SLC24A1: variants seen among roughly 807,000 people sequenced by gnomAD.
SLC24A1 encodes solute carrier family 24 member 1.
Under a neutral mutation model 88.1 loss-of-function variants are expected in SLC24A1, and 52 were observed. The observed-to-expected ratio is 0.59, with a 90% CI of 0.47 to 0.74. The LOEUF (loss-of-function observed/expected upper bound fraction) is 0.74. Among genes scored for constraint, SLC24A1 ranks in the 30% least tolerant of loss-of-function variants. SLC24A1 has a pLI of 0.00. For missense variants in SLC24A1, 1,173 were observed against 1,363.3 expected (o/e 0.86, Z 2.20); for synonymous variants, 455 against 498.0 (o/e 0.91, Z 1.15).
downstream of SLC24A1, chr15:65,660,297 G>A (rs779969931): frequency 1.8e-5 from 28 of 1,535,176 alleles, no homozygotes; most frequent in South Asian, 3.3e-4. Flanking sequence ...GCTGTGAAAT[G>A]TTTCAGCATG....
At chr15:65,620,444 A>G (rs990277211), upstream of SLC24A1, among the ~76,000 whole-genome samples, 2 of 152,206 alleles carry the variant, frequency 1.3e-5, no homozygotes, top group African/African-American at 4.8e-5. Context: ...TAATGTCATT[A>G]TCATCCTCAT....
At position 65,624,881 on chromosome 15, in the gene SLC24A1, C is replaced by T. The variant is rs765829105; in HGVS notation, c.801C>T (p.Asn267=). Residue 267 remains asparagine (N), a synonymous_variant, in exon 2 of 10, where the codon AAC becomes AAT. Coordinates refer to ENST00000261892, the MANE Select transcript of SLC24A1 (RefSeq NM_004727.3). ...TTCTGACACATGAGGTAGAAGCAAA[C>T]GTCTTGACTTCTCCAAGGAGCGTCA... ...PTFLTHEVEA[N]VLTSPRSVME... is the part of the protein sequence containing the mutation. 3.1e-6 allele frequency: 5 copies of T among 1,613,972 alleles called. No individual in the cohort carries two copies. Among genetic ancestry groups the T allele is most frequent in the Non-Finnish European group, 4.2e-6 (5 of 1,179,884 alleles).
intron 2 of SLC24A1, among the ~76,000 whole-genome samples, chr15:65,613,398 C>T (rs778258151): frequency 1.3e-5 from 2 of 152,008 alleles, no homozygotes; most frequent in Non-Finnish European, 2.9e-5. Flanking sequence ...ATGCAGATTC[C>T]CAGACCTTGC....
chr15:65,638,638 TC>T (rs2075018791), intron 3 of SLC24A1, among the ~76,000 whole-genome samples: 1 of 152,148 alleles, frequency 6.6e-6, no homozygotes, highest in South Asian at 2.1e-4. Context: ...AAAAACTGTG[TC>T]TTAGCTGTTT....
chr15:65,625,842 C>T lies in SLC24A1; in HGVS notation c.1762C>T (p.Leu588=). Residue 588 remains leucine (L), a synonymous_variant, in exon 2 of 10, where the codon CTG becomes TTG. Coordinates refer to ENST00000261892, the MANE Select transcript of SLC24A1 (RefSeq NM_004727.3). ...CCTCATTGCCTGGTGGGAGAGCCTG[C>T]TGCTGCTGCTGGCCTATGCCTTCTA... ...DSLIAWWESL[L]LLLAYAFYVF... 6.2e-7 allele frequency: 1 copy of T among 1,613,788 alleles called. No individual in the cohort carries two copies. The highest frequency in any genetic ancestry group is 8.5e-7 in the Non-Finnish European group (1 of 1,179,794).
Position 65,625,732 on chromosome 15 carries a change from T to C in SLC24A1, c.1652T>C (p.Leu551Pro). The C allele has an allele frequency of 6.2e-7, 1 of 1,614,066 alleles. No individual in the cohort carries two copies. The highest frequency in any genetic ancestry group is 8.5e-7 in the Non-Finnish European group (1 of 1,179,892). Residue 551 changes from leucine to proline, a missense_variant, in exon 2 of 10, where the codon CTC becomes CCC. Leu to Pro is a moderately conservative substitution (Grantham distance 98). Coordinates refer to ENST00000261892, the MANE Select transcript of SLC24A1 (RefSeq NM_004727.3). ...TGTTCCCTCTTCTCCCGAGAGATCCTCAACCTCACCTGGTGGCCCTTATTC... is the reference window on the plus strand; with the variant it reads ...TGTTCCCTCTTCTCCCGAGAGATCCCCAACCTCACCTGGTGGCCCTTATTC... The part of the protein sequence containing the change: ...GTCSLFSREI[L>P]NLTWWPLFRD...
intron 2 of SLC24A1, among the ~76,000 whole-genome samples, chr15:65,634,604 T>C (rs1331854232): frequency 6.6e-6 from 1 of 152,152 alleles, no homozygotes; most frequent in Non-Finnish European, 1.5e-5. Context: ...CACCCAAATG[T>C]TGACAAACAT....
At chr15:65,643,558 C>T (rs537079827) in intron 4 of SLC24A1, among the ~76,000 whole-genome samples, 1 of 152,356 alleles carries the variant, frequency 6.6e-6, no homozygotes, top group Admixed American at 6.5e-5. Flanking sequence ...CCAGGCCACA[C>T]AGCTGTGGAC....
chr15:65,646,013 C>T (rs537681456), intron 6 of SLC24A1, among the ~76,000 whole-genome samples: 2 of 152,252 alleles, frequency 1.3e-5, no homozygotes. Flanking sequence ...GACCAGGTAG[C>T]TCCTGAGCAC....
At position 65,644,457 on chromosome 15, in the gene SLC24A1, G is replaced by C; in HGVS notation, c.2084G>C (p.Ser695Thr). 2 of 1,596,970 alleles carry C rather than the reference G, an allele frequency of 1.3e-6. No homozygotes were observed. Among genetic ancestry groups the C allele is most frequent in the Non-Finnish European group, 1.7e-6 (2 of 1,171,996 alleles). ...CTTGCCAAGGAGAAGGAGGAGGAGA[G>C]CTTGAATCAAGGGGCCAGAGCCCAA... The part of the protein sequence containing the change: ...VRLAKEKEEE[S>T]LNQGARAQPQ... Residue 695 changes from serine to threonine, a missense_variant, in exon 5 of 10, where the codon AGC becomes ACC. Physicochemically the swap from Ser to Thr is moderately conservative, Grantham distance 58. Coordinates refer to ENST00000261892, the MANE Select transcript of SLC24A1 (RefSeq NM_004727.3).
downstream of SLC24A1, among the ~76,000 whole-genome samples, chr15:65,657,123 G>T (rs1056317232): frequency 6.6e-6 from 1 of 151,956 alleles, no homozygotes; most frequent in Non-Finnish European, 1.5e-5. Context: ...TGCCCGCCTC[G>T]GCCTCCCAAA....
chr15:65,639,686 T>C lies in SLC24A1; in HGVS notation c.2036T>C (p.Leu679Pro). The change falls in exon 4 of 10, where the codon CTG becomes CCG. Residue 679 changes from leucine to proline, a missense_variant. By Grantham distance (98) the Leu-to-Pro change is moderately conservative. Transcript: ENST00000261892. ...STIYQLMLHS[L>P]DPLREVRLAK... ...ATCTACCAGCTCATGCTCCACAGCC[T>C]GGACCCCCTGAGGGAAGGTAAGCAA... The C allele has an allele frequency of 6.2e-7, 1 of 1,611,608 alleles. No individual in the cohort carries two copies. Among genetic ancestry groups the C allele is most frequent in the Non-Finnish European group, 8.5e-7 (1 of 1,178,742 alleles).
At chr15:65,658,524 T>C (rs1464743678), downstream of SLC24A1, 1 of 152,106 alleles carries the variant, frequency 6.6e-6, no homozygotes, top group Non-Finnish European at 1.5e-5. Flanking sequence ...AAAGTAGAGG[T>C]TGAGTATCCC....
chr15:65,620,859 T>C (rs1437908416), upstream of SLC24A1, among the ~76,000 whole-genome samples: 1 of 152,220 alleles, frequency 6.6e-6, no homozygotes, highest in African/African-American at 2.4e-5. Flanking sequence ...TGTTACATAG[T>C]GGCATGAAAA....
chr15:65,619,136 G>A (rs116375686), upstream of SLC24A1, among the ~76,000 whole-genome samples: 1,587 of 152,304 alleles, frequency 0.01, 24 homozygotes, highest in African/African-American at 0.035. Context: ...GTCTTAGGCC[G>A]TGACATTGTA....
chr15:65,655,159 T>C lies in SLC24A1; in HGVS notation c.*1080T>C, dbSNP rs576100637. On this transcript the variant is annotated 3_prime_UTR_variant, in exon 10 of 10. Transcript: ENST00000261892. ...CTAATGGAATGTCCTGGCTCCACCC[T>C]CCAGCATGTTCTCACCCAACAATGA... 8.1e-6 allele frequency: 8 copies of C among 988,956 alleles called. No homozygotes were observed. In the East Asian group the frequency reaches 7.9e-4, roughly 98 times the overall value. 61.3% of individuals were successfully genotyped at this position (988,956 alleles called of 1,614,324 possible). A position where few individuals can be genotyped will look rare whatever the true frequency, so the allele number is the denominator to read the frequency against.
intron 6 of SLC24A1, among the ~76,000 whole-genome samples, chr15:65,648,690 T>C (rs944711495): frequency 6.6e-5 from 10 of 151,930 alleles, no homozygotes; most frequent in African/African-American, 2.4e-4. Context: ...TAAGTAGATA[T>C]GGGGTTTCAC....
chr15:65,624,200 C>G lies in SLC24A1; in HGVS notation c.120C>G (p.His40Gln), dbSNP rs2074417233. The G allele has an allele frequency of 6.2e-7, 1 of 1,613,880 alleles. No individual in the cohort carries two copies. The highest frequency in any genetic ancestry group is 8.5e-7 in the Non-Finnish European group (1 of 1,179,864). Residue 40 changes from histidine to glutamine, a missense_variant, in exon 2 of 10, where the codon CAC becomes CAG. His to Gln is a conservative substitution (Grantham distance 24, BLOSUM62 0). Transcript: ENST00000261892. ...TGATCATCGGTTCTACTTATCAGCA[C>G]CTTAGGAGACCCCGGGGCCTTTCCT... ...GMLIIGSTYQ[H>Q]LRRPRGLSSL...
Position 65,640,912 on chromosome 15 carries a change from T to C in SLC24A1, c.2053+1209T>C, listed in dbSNP as rs540790524. ...CATCTCTACTAAAATACAAAAAAAATTAGCCAGGCGTGGTGGCAGGCGCCT... is the reference window on the plus strand; with the variant it reads ...CATCTCTACTAAAATACAAAAAAAACTAGCCAGGCGTGGTGGCAGGCGCCT... On this transcript the variant is annotated intron_variant, in intron 4 of 9. Coordinates refer to ENST00000261892, the MANE Select transcript of SLC24A1 (RefSeq NM_004727.3). Among the ~76,000 whole-genome samples, 34 of 150,616 alleles carry C rather than the reference T, an allele frequency of 2.3e-4. No individual in the cohort carries two copies. The East Asian group carries it at 4.0e-3, about 18-fold the overall frequency.
Sources: gnomAD v4.1 joint callset for allele counts (sites outside exome capture counted in the v4.1 genomes callset) on GRCh38, gnomAD v4.1.1 for gene constraint, MANE v1.5 for transcripts, NCBI Gene and HGNC (gene_info 2026-07-23, HGNC 2026-07-21) for gene names.